MYO18A: variants seen among roughly 807,000 people sequenced by gnomAD.
The protein encoded by MYO18A is myosin XVIIIA, also known as unconventional myosin-XVIIIa.
Under a neutral mutation model 235.8 loss-of-function variants are expected in MYO18A, and 78 were observed. The ratio of observed to expected loss-of-function variants is 0.33; its 90% CI spans 0.28 to 0.40. The LOEUF is 0.40. Ranked by LOEUF, MYO18A falls within the 10% of genes least tolerant of loss-of-function variation. The pLI is 1.00. For synonymous variants in MYO18A, 977 were observed against 1,077.8 expected (o/e 0.91, Z 1.83); for missense variants, 2,215 against 2,699.3 (o/e 0.82, Z 3.98).
At chr17:29,113,084 G>A (rs967217427) in intron 15 of MYO18A, among the ~76,000 whole-genome samples, 7 of 152,304 alleles carry the variant, frequency 4.6e-5, no homozygotes, top group East Asian at 1.9e-4. Flanking sequence ...CCCCTCTCCC[G>A]GGAACCACAA....
Position 29,121,859 on chromosome 17 carries a change from C to A in MYO18A, c.1186G>T (p.Val396Phe), listed in dbSNP as rs373443144. ...GCCCCCTGCCCACCTACCTTCTCAA[C>A]GTCATCCTCATCCACATCCAGGATG... ...GAILDVDEDD[V>F]EKANAPSCDR... Residue 396 changes from valine (V) to phenylalanine (F), a missense_variant, in exon 4 of 42, where the codon GTT becomes TTT. Physicochemically the swap from Val to Phe is conservative, Grantham distance 50. Transcript: ENST00000527372. This position sits in a 1 kb window ranked among gnomAD's most constrained non-coding sequence, Gnocchi z 4.2. 6.2e-7 allele frequency: 1 copy of A among 1,613,800 alleles called. No homozygotes were observed.
chr17:29,174,101 G>A (rs2068468304), intron 1 of MYO18A, among the ~76,000 whole-genome samples: 1 of 152,150 alleles, frequency 6.6e-6, no homozygotes, highest in Non-Finnish European at 1.5e-5. Context: ...CATATTCTTT[G>A]GGCAATTCCA....
At chr17:29,094,209 G>A in intron 30 of MYO18A, 119 bp from the exon 31 acceptor site, 3 of 704,948 alleles carry the variant, frequency 4.3e-6, no homozygotes, top group South Asian at 1.8e-5. Flanking sequence ...AGTTCCCTTT[G>A]CTGGCACCTT....
At position 29,080,096 on chromosome 17, in the gene MYO18A, G is replaced by A. The variant is rs948687570; in HGVS notation, c.6020+2220C>T. On this transcript the variant is annotated intron_variant, in intron 41 of 41. Coordinates refer to ENST00000527372, the MANE Select transcript of MYO18A (RefSeq NM_078471.4). ...CGGCTCTTCCGGCCGCTGCGGGACC[G>A]GGACACATCAGCAGCAGAGGCGGAG... The A allele has an allele frequency of 7.1e-6, 7 of 985,916 alleles. No individual in the cohort carries two copies. The Admixed American group carries it at 2.5e-4, about 35-fold the overall frequency. 61.1% of individuals were successfully genotyped at this position (985,916 alleles called of 1,614,324 possible).
In MYO18A at chr17:29,094,962, C is replaced by T. The variant is rs750860781; in HGVS notation, c.4483G>A (p.Ala1495Thr). Reference sequence around the variant, plus strand: ...TCTAGTTGCTGCTTCAGGCTGAAAGCCTCAGCGAGGAGCATGTCCTTCTCC... The same window carrying T: ...TCTAGTTGCTGCTTCAGGCTGAAAGTCTCAGCGAGGAGCATGTCCTTCTCC... ...QREKDMLLAE[A>T]FSLKQQLEEK... The change falls in exon 29 of 42, where the codon GCT becomes ACT. Residue 1495 changes from alanine (A) to threonine (T), a missense_variant. Coordinates refer to ENST00000527372, the MANE Select transcript of MYO18A (RefSeq NM_078471.4). The T allele has an allele frequency of 2.0e-5, 32 of 1,609,294 alleles. No homozygotes were observed. In the South Asian group the frequency reaches 3.5e-4, roughly 18 times the overall value.
intron 41 of MYO18A, chr17:29,080,614 G>C: frequency 1.2e-5 from 12 of 985,736 alleles, no homozygotes; most frequent in Non-Finnish European, 1.3e-5. Flanking sequence ...ACTCAGGGAA[G>C]AGCCAGCCCT....
In MYO18A at chr17:29,115,662, A is replaced by G; in HGVS notation, c.2227+2T>C. On this transcript the variant is annotated splice_donor_variant, in intron 12 of 41. Coordinates refer to ENST00000527372, the MANE Select transcript of MYO18A (RefSeq NM_078471.4). LOFTEE classifies it high-confidence loss of function. ...AACTACCAGCCAAGGGACAAAGGGT[A>G]CCTGTCCCATCTCCCAGGCCACTCT... 4 of 1,595,912 alleles carry G rather than the reference A, an allele frequency of 2.5e-6. No individual in the cohort carries two copies. The highest frequency in any genetic ancestry group is 3.4e-6 in the Non-Finnish European group (4 of 1,172,128).
chr17:29,122,129 A>G, intron 3 of MYO18A, 37 bp downstream of exon 3: 1 of 1,594,338 alleles, frequency 6.3e-7, no homozygotes, highest in Non-Finnish European at 8.6e-7. Context: ...GAGACCAGTG[A>G]GTCCTGACAT....
In MYO18A at chr17:29,140,404, G is replaced by C. The variant is rs1221972519; in HGVS notation, c.1000-18151C>G. Reference sequence around the variant, plus strand: ...TCCGCTCTGATGCTGCTCTGGCTCCGTTAGCAGCTCAAAATAGCACAGGCT... The same window carrying C: ...TCCGCTCTGATGCTGCTCTGGCTCCCTTAGCAGCTCAAAATAGCACAGGCT... On this transcript the variant is annotated intron_variant, in intron 2 of 41. Coordinates refer to ENST00000527372, the MANE Select transcript of MYO18A (RefSeq NM_078471.4). This position sits in a 1 kb window ranked among gnomAD's most constrained non-coding sequence, Gnocchi z 4.2. The C allele has an allele frequency of 1.6e-6, 2 of 1,282,982 alleles. No individual in the cohort carries two copies. Among genetic ancestry groups the C allele is most frequent in the Non-Finnish European group, 2.0e-6 (2 of 985,888 alleles). 79.5% of individuals were successfully genotyped at this position (1,282,982 alleles called of 1,614,324 possible). A position where few individuals can be genotyped will look rare whatever the true frequency, so the allele number is the denominator to read the frequency against.
At chr17:29,108,291 T>C (rs917504723) in intron 19 of MYO18A, among the ~76,000 whole-genome samples, 5 of 152,144 alleles carry the variant, frequency 3.3e-5, no homozygotes, top group African/African-American at 9.7e-5. Flanking sequence ...GAAGAGTGTC[T>C]GGGCTTCAGG....
chr17:29,090,752 G>A, intron 35 of MYO18A, 58 bp downstream of exon 35: 1 of 1,556,856 alleles, frequency 6.4e-7, no homozygotes, highest in Non-Finnish European at 8.9e-7. Flanking sequence ...GGACCCATGA[G>A]GAGGACCACA....
At chr17:29,155,124 T>C (rs1255583305) in intron 2 of MYO18A, 1 of 152,254 alleles carries the variant, frequency 6.6e-6, no homozygotes, top group Non-Finnish European at 1.5e-5. Context: ...AGGGCTGAGA[T>C]AGATCTTCCT....
intron 37 of MYO18A, among the ~76,000 whole-genome samples, chr17:29,087,441 G>T (rs1028778766): frequency 6.6e-6 from 1 of 151,940 alleles, no homozygotes; most frequent in Non-Finnish European, 1.5e-5. Context: ...TGGGCCTGTC[G>T]GTATTGACAC....
chr17:29,089,445 A>AT (rs2066340945), intron 37 of MYO18A, among the ~76,000 whole-genome samples: 2 of 150,220 alleles, frequency 1.3e-5, no homozygotes, highest in Non-Finnish European at 3.0e-5. Context: ...AAAAAAAAAA[A>AT]ATGAAGGGAG....
intron 19 of MYO18A, chr17:29,107,534 C>G (rs959452479): frequency 4.3e-6 from 1 of 230,096 alleles, no homozygotes; most frequent in African/African-American, 2.3e-5. Context: ...TCCCAATCCC[C>G]AAGATGCTTT....
intron 2 of MYO18A, among the ~76,000 whole-genome samples, chr17:29,139,789 C>A (rs1598367836): frequency 6.6e-6 from 1 of 152,232 alleles, no homozygotes; most frequent in East Asian, 1.9e-4. Context: ...GTCCTATGCA[C>A]AGAAATGGAG....
In MYO18A at chr17:29,110,606, G is replaced by C; in HGVS notation, c.2917C>G (p.Leu973Val). The C allele has an allele frequency of 6.2e-7, 1 of 1,603,366 alleles. No homozygotes were observed. The part of the protein sequence containing the change: ...QDSQKKIISN[L>V]FLGRAGSATV... ...GCACTGCCTGCGCGGCCCAGAAACAGGTTGCTGATGATTTTTCTGCCAGAG... is the reference window on the plus strand; with the variant it reads ...GCACTGCCTGCGCGGCCCAGAAACACGTTGCTGATGATTTTTCTGCCAGAG... The change falls in exon 18 of 42, where the codon CTG (leucine) becomes GTG (valine). Residue 973 changes from leucine (L) to valine (V), a missense_variant. Transcript: ENST00000527372.
rs200133004 is a variant in MYO18A, at chr17:29,115,049, G to A, written c.2369C>T (p.Thr790Ile). Residue 790 changes from threonine (T) to isoleucine (I), a missense_variant, in exon 14 of 42, where the codon ACC becomes ATC. Coordinates refer to ENST00000527372, the MANE Select transcript of MYO18A (RefSeq NM_078471.4). Reference sequence around the variant, plus strand: ...CTGCTCAGGGTTCTGGAAGCCCGGGGTGTCGACAATCATCATGGAGCAGAG... The same window carrying A: ...CTGCTCAGGGTTCTGGAAGCCCGGGATGTCGACAATCATCATGGAGCAGAG... ...HSLCSMMIVD[T>I]PGFQNPEQGG... 1 of 1,613,888 alleles carries A rather than the reference G, an allele frequency of 6.2e-7. No individual in the cohort carries two copies. The highest frequency in any genetic ancestry group is 8.5e-7 in the Non-Finnish European group (1 of 1,179,880).
Position 29,117,326 on chromosome 17 carries a change from G to A in MYO18A, c.2038+719C>T, listed in dbSNP as rs1219887425. Among the ~76,000 whole-genome samples the A allele has an allele frequency of 6.6e-6, 1 of 152,170 alleles. No homozygotes were observed. On this transcript the variant is annotated intron_variant, in intron 10 of 41. Transcript: ENST00000527372. This position sits in a 1 kb window ranked among gnomAD's most constrained non-coding sequence, Gnocchi z 4.6. ...CCACGGTGCCTGCTGCCCCCTAGTG[G>A]CCGCCACCCTGACATGCAAGAGGAA...
Sources: gnomAD v4.1 joint callset for allele counts (sites outside exome capture counted in the v4.1 genomes callset) on GRCh38, gnomAD v4.1.1 for gene constraint, Gnocchi (gnomAD v3.1) non-coding constraint, MANE v1.5 for transcripts, NCBI Gene and HGNC (gene_info 2026-07-23, HGNC 2026-07-21) for gene names.